Variants in CLDN10 observed in about 807,000 individuals in gnomAD.
CLDN10 encodes claudin 10.
In CLDN10, 15 loss-of-function variants were observed where a neutral mutation model predicts 22.9. The observed-to-expected ratio is 0.65, with a 90% CI of 0.44 to 1.01. The LOEUF is 1.01. Ranked by LOEUF, CLDN10 falls within the 50% of genes least tolerant of loss-of-function variation. The probability of loss-of-function intolerance (pLI) is 0.00; values close to 1 mark genes in which losing one functional copy is unlikely to be tolerated. For synonymous variants in CLDN10, 114 were observed against 111.4 expected, an observed-to-expected ratio of 1.02 and a Z score of -0.15; for missense variants, 247 against 287.8, an observed-to-expected ratio of 0.86 and a Z score of 1.03.
chr13:95,449,260 AT>A (rs1204086351), intron 1 of CLDN10, among the ~76,000 whole-genome samples: 4 of 150,652 alleles, frequency 2.7e-5, no homozygotes, highest in Non-Finnish European at 5.9e-5. Flanking sequence ...TTTTATTTTT[AT>A]TTTTTTTCGA....
chr13:95,545,760 A>G lies in CLDN10; in HGVS notation c.215-14372A>G, dbSNP rs2043502205. On this transcript the variant is annotated intron_variant, in intron 1 of 4. Transcript: ENST00000376873. ...AGAAAATGAAATAAACATGAGAAGG[A>G]GCGTCCACAGCACAGTAAATGATAC... Among the ~76,000 whole-genome samples, 5 of 152,194 alleles carry G rather than the reference A, an allele frequency of 3.3e-5. No homozygotes were observed. The South Asian group carries it at 1.0e-3, about 32-fold the overall frequency.
intron 1 of CLDN10, among the ~76,000 whole-genome samples, chr13:95,458,624 C>T (rs2042505939): frequency 1.3e-5 from 2 of 152,128 alleles, no homozygotes; most frequent in Admixed American, 1.3e-4. Context: ...AAACTGCTCC[C>T]ATGATTCAAT....
At chr13:95,550,453 G>T (rs1321780453), upstream of CLDN10, among the ~76,000 whole-genome samples, 1 of 152,146 alleles carries the variant, frequency 6.6e-6, no homozygotes, top group Non-Finnish European at 1.5e-5. Flanking sequence ...TAAAAACAAA[G>T]AAATAATCAA....
At chr13:95,525,978 G>C (rs993469331) in intron 1 of CLDN10, among the ~76,000 whole-genome samples, 1 of 152,162 alleles carries the variant, frequency 6.6e-6, no homozygotes, top group African/African-American at 2.4e-5. Context: ...CTCCTGGATC[G>C]TTCTTCTATA....
intron 1 of CLDN10, among the ~76,000 whole-genome samples, chr13:95,538,544 G>A (rs2043425126): frequency 6.6e-6 from 1 of 152,108 alleles, no homozygotes; most frequent in Non-Finnish European, 1.5e-5. Flanking sequence ...CTTGTCAGTG[G>A]CCAAACCTGC....
At chr13:95,519,701 G>A (rs1050250689) in intron 1 of CLDN10, among the ~76,000 whole-genome samples, 7 of 124,010 alleles carry the variant, frequency 5.6e-5, no homozygotes, top group African/African-American at 1.9e-4. Flanking sequence ...AGCTGCCACA[G>A]GGCAAGTCTT....
In CLDN10 at chr13:95,552,771, G is replaced by A. The variant is rs2043582477; in HGVS notation, c.18G>A (p.Ser6=). 6.2e-7 allele frequency: 1 copy of A among 1,612,616 alleles called. No homozygotes were observed. Among genetic ancestry groups the A allele is most frequent in the Admixed American group, 1.7e-5 (1 of 59,958 alleles). MASTA[S]EIIAFMVSIS... ...CCGGCGGCATGGCTAGCACGGCTTCGGAGATCATCGCCTTCATGGTCTCCA... is the reference window on the plus strand; with the variant it reads ...CCGGCGGCATGGCTAGCACGGCTTCAGAGATCATCGCCTTCATGGTCTCCA... Residue 6 remains serine (S), a synonymous_variant, in exon 1 of 5, where the codon TCG becomes TCA. Transcript: ENST00000299339.
chr13:95,522,810 C>T (rs2138587618), intron 1 of CLDN10, among the ~76,000 whole-genome samples: 1 of 152,060 alleles, frequency 6.6e-6, no homozygotes, highest in South Asian at 2.1e-4. Context: ...AAGTGACTCT[C>T]TTTAACTGTG....
At chr13:95,522,194 T>C (rs1422323271) in intron 1 of CLDN10, among the ~76,000 whole-genome samples, 1 of 152,048 alleles carries the variant, frequency 6.6e-6, no homozygotes, top group Non-Finnish European at 1.5e-5. Flanking sequence ...GCTATTCTTT[T>C]TCTGTTTATT....
chr13:95,542,694 C>G (rs532373629), intron 1 of CLDN10, among the ~76,000 whole-genome samples: 1 of 152,058 alleles, frequency 6.6e-6, no homozygotes, highest in Non-Finnish European at 1.5e-5. Flanking sequence ...GTAGTTGCAG[C>G]TACTCGGGGG....
intron 3 of CLDN10, among the ~76,000 whole-genome samples, chr13:95,567,874 A>G: frequency 6.6e-6 from 1 of 152,138 alleles, no homozygotes; most frequent in East Asian, 1.9e-4. Flanking sequence ...ATCTATTGGG[A>G]TAATCATGTG....
rs566627011 is a variant in CLDN10 at position 95,453,947 on chromosome 13, T to C, written c.214+19900T>C. Among the ~76,000 whole-genome samples the C allele has an allele frequency of 1.3e-5, 2 of 151,778 alleles. 1 individual carries two copies. Among genetic ancestry groups the C allele is most frequent in the Admixed American group, 1.3e-4 (2 of 15,226 alleles). On this transcript the variant is annotated intron_variant, in intron 1 of 4. Coordinates refer to the CLDN10 transcript ENST00000376873. The stretch of plus-strand genomic sequence containing the variant: ...TGCCAACATTGCTCATCAATCTCAT[T>C]CCCCTATGCTGGCTTCTGACAGCCC...
upstream of CLDN10, among the ~76,000 whole-genome samples, chr13:95,549,086 G>A (rs1419934048): frequency 6.6e-6 from 1 of 152,180 alleles, no homozygotes; most frequent in Non-Finnish European, 1.5e-5. Flanking sequence ...GACCTCAAAA[G>A]TAGAAAGGCT....
chr13:95,477,222 G>A (rs1267022910), intron 1 of CLDN10, among the ~76,000 whole-genome samples: 1 of 152,170 alleles, frequency 6.6e-6, no homozygotes, highest in African/African-American at 2.4e-5. Flanking sequence ...AGAAGAGAAC[G>A]TGGCCAGAGC....
chr13:95,489,241 G>A (rs1051247536), intron 1 of CLDN10, among the ~76,000 whole-genome samples: 1 of 152,006 alleles, frequency 6.6e-6, no homozygotes, highest in East Asian at 1.9e-4. Flanking sequence ...AAGCCACCAC[G>A]CCCGACCCTA....
upstream of CLDN10, among the ~76,000 whole-genome samples, chr13:95,548,121 C>A (rs2043528967): frequency 6.6e-6 from 1 of 152,196 alleles, no homozygotes; most frequent in Non-Finnish European, 1.5e-5. Flanking sequence ...TAACATACTG[C>A]CCCGACCTGG....
intron 1 of CLDN10, among the ~76,000 whole-genome samples, chr13:95,500,990 T>A (rs977594429): frequency 4.5e-4 from 69 of 152,156 alleles, no homozygotes; most frequent in African/African-American, 1.5e-3. Context: ...TTGGTCTTTT[T>A]AAAAAAATTT....
At chr13:95,490,644 T>C (rs577771904) in intron 1 of CLDN10, among the ~76,000 whole-genome samples, 3 of 152,314 alleles carry the variant, frequency 2.0e-5, no homozygotes, top group African/African-American at 7.2e-5. Context: ...TTGATATAAT[T>C]TCAATTTTCT....
At chr13:95,525,563 G>A (rs182343226) in intron 1 of CLDN10, among the ~76,000 whole-genome samples, 1 of 152,168 alleles carries the variant, frequency 6.6e-6, no homozygotes, top group Admixed American at 6.5e-5. Flanking sequence ...CGTAATCGTG[G>A]CTCACTGCAA....
Sources: allele counts gnomAD v4.1 joint callset (sites outside exome capture counted in the v4.1 genomes callset), GRCh38; gene constraint gnomAD v4.1.1; transcripts MANE v1.5; gene names NCBI Gene and HGNC (gene_info 2026-07-23, HGNC 2026-07-21).